HIBADH: variants seen among roughly 807,000 people sequenced by gnomAD.
The protein encoded by HIBADH is 3-hydroxyisobutyrate dehydrogenase, also known as 3-hydroxyisobutyrate dehydrogenase, mitochondrial.
Under a neutral mutation model 36.1 loss-of-function variants are expected in HIBADH, and 25 were observed. The observed-to-expected ratio is 0.69, with a 90% CI of 0.50 to 0.97. The LOEUF (loss-of-function observed/expected upper bound fraction) is 0.97. HIBADH is among the 50% of genes least tolerant of loss of function. The probability of loss-of-function intolerance (pLI) is 0.00; values close to 1 mark genes in which losing one functional copy is unlikely to be tolerated. For synonymous variants in HIBADH, 160 were observed against 149.5 expected (o/e 1.07, Z -0.51); for missense variants, 421 against 418.0 (o/e 1.01, Z -0.06).
chr7:27,662,042 G>A (rs1786433235), intron 1 of HIBADH, among the ~76,000 whole-genome samples: 1 of 152,184 alleles, frequency 6.6e-6, no homozygotes, highest in African/African-American at 2.4e-5. Flanking sequence ...GAGGGAGGCA[G>A]GATTAATTCT....
Position 27,551,360 on chromosome 7 carries a change from C to T in HIBADH, c.485-8260G>A, listed in dbSNP as rs80093380. On this transcript the variant is annotated intron_variant, in intron 4 of 7. Coordinates refer to ENST00000265395, the MANE Select transcript of HIBADH (RefSeq NM_152740.4). ...CAATCTTGGTTTCTTCATCTGAAAA[C>T]AGTGATAAAAACACTGGCCATACTA... 4.6e-5 allele frequency among the ~76,000 whole-genome samples: 7 copies of T among 152,264 alleles called. No homozygotes were observed. The East Asian group carries it at 1.4e-3, about 29-fold the overall frequency.
At chr7:27,529,390 G>A (rs953435977) in intron 7 of HIBADH, among the ~76,000 whole-genome samples, 1 of 152,154 alleles carries the variant, frequency 6.6e-6, no homozygotes, top group East Asian at 1.9e-4. Context: ...ATGCCATTAA[G>A]AATATTTGTG....
chr7:27,582,410 C>T (rs1312774887), intron 4 of HIBADH, among the ~76,000 whole-genome samples: 2 of 152,056 alleles, frequency 1.3e-5, no homozygotes, highest in African/African-American at 4.8e-5. Flanking sequence ...ATACATATTA[C>T]CTTGCTATAA....
intron 4 of HIBADH, among the ~76,000 whole-genome samples, chr7:27,612,033 T>C (rs1436196297): frequency 6.6e-6 from 1 of 152,190 alleles, no homozygotes; most frequent in East Asian, 1.9e-4. Context: ...ACTGAAATTA[T>C]TTTTATGTTA....
intron 4 of HIBADH, among the ~76,000 whole-genome samples, chr7:27,583,492 T>C (rs1487105166): frequency 6.6e-6 from 1 of 152,056 alleles, no homozygotes; most frequent in African/African-American, 2.4e-5. Context: ...AATACCTAGG[T>C]ATTATAGAAT....
intron 7 of HIBADH, among the ~76,000 whole-genome samples, chr7:27,528,049 C>A (rs544778893): frequency 2.6e-5 from 4 of 151,694 alleles, no homozygotes; most frequent in Admixed American, 2.6e-4. Context: ...AGGCATGAGC[C>A]ACTGTGCCCA....
intron 2 of HIBADH, among the ~76,000 whole-genome samples, chr7:27,637,040 T>C (rs1785852402): frequency 6.6e-6 from 1 of 152,208 alleles, no homozygotes; most frequent in South Asian, 2.1e-4. Context: ...GCTGAGACAG[T>C]GGTGTTTGGG....
Position 27,531,350 on chromosome 7 carries a change from T to C in HIBADH, c.696-2A>G. On this transcript the variant is annotated splice_acceptor_variant, in intron 6 of 7. Transcript: ENST00000265395. LOFTEE classifies it high-confidence loss of function. ...AGTAGTTTTGGGTCAAGCCCTAACC[T>C]GTCAAAGGTCAAAGAAAAGAAGTGT... 6.2e-7 allele frequency: 1 copy of C among 1,600,880 alleles called. No homozygotes were observed.
intron 4 of HIBADH, among the ~76,000 whole-genome samples, chr7:27,569,953 C>T (rs1445560714): frequency 1.3e-5 from 2 of 152,118 alleles, no homozygotes; most frequent in Non-Finnish European, 2.9e-5. Flanking sequence ...GCATTTCTTC[C>T]ACTTTCTCTG....
intron 4 of HIBADH, among the ~76,000 whole-genome samples, chr7:27,565,379 G>T (rs943365196): frequency 7.2e-5 from 11 of 152,194 alleles, no homozygotes; most frequent in African/African-American, 2.4e-4. Context: ...GGAACTGTAA[G>T]TAATAAACTA....
At chr7:27,556,624 C>T (rs1784392149) in intron 4 of HIBADH, among the ~76,000 whole-genome samples, 1 of 152,062 alleles carries the variant, frequency 6.6e-6, no homozygotes, top group African/African-American at 2.4e-5. Context: ...GGATCTGCTC[C>T]CCACAATGAA....
intron 2 of HIBADH, among the ~76,000 whole-genome samples, chr7:27,643,112 C>T (rs1301878912): frequency 6.6e-6 from 1 of 152,058 alleles, no homozygotes; most frequent in South Asian, 2.1e-4. Flanking sequence ...CCTATTGGTC[C>T]CTAAAGGCAC....
At chr7:27,612,949 T>A (rs933358771) in intron 4 of HIBADH, among the ~76,000 whole-genome samples, 40 of 136,740 alleles carry the variant, frequency 2.9e-4, no homozygotes, top group South Asian at 2.1e-3. Context: ...TCCAAAAAAA[T>A]ATATATATAT....
intron 2 of HIBADH, among the ~76,000 whole-genome samples, chr7:27,638,328 A>AAAAAAAAAAAC (rs1554300517): frequency 1.8e-5 from 2 of 112,678 alleles, no homozygotes; most frequent in Non-Finnish European, 4.3e-5. Context: ...AAAAAAAAAA[A>AAAAAAAAAAAC]AACAAGCAAT....
intron 4 of HIBADH, among the ~76,000 whole-genome samples, chr7:27,600,198 C>T (rs190590083): frequency 4.6e-5 from 7 of 152,196 alleles, no homozygotes; most frequent in Admixed American, 4.6e-4. Flanking sequence ...TAGAATATAA[C>T]AATCTACCCT....
rs534071927 is a variant in HIBADH at position 27,631,499 on chromosome 7, C to G, written c.362+837G>C. Among the ~76,000 whole-genome samples the G allele has an allele frequency of 2.8e-3, 432 of 152,288 alleles. 1 individual carries two copies. The highest frequency in any genetic ancestry group is 4.7e-3 in the Non-Finnish European group (320 of 68,022). On this transcript the variant is annotated intron_variant, in intron 3 of 7. Transcript: ENST00000265395. ...TACAGTGTCTACCAGTTTGCTCTAG[C>G]TCTTTGCTGAAATTCAACAACAAAA... is the stretch of plus-strand genomic sequence containing the variant.
chr7:27,563,610 T>C (rs182379636), intron 4 of HIBADH, among the ~76,000 whole-genome samples: 2 of 152,370 alleles, frequency 1.3e-5, no homozygotes, highest in Admixed American at 1.3e-4. Context: ...TGATGTGTAC[T>C]GGTATTTCAC....
At chr7:27,621,986 CCCAGCACTTTGGGAGG>C (rs200143898) in intron 4 of HIBADH, among the ~76,000 whole-genome samples, 11,691 of 151,896 alleles carry the variant, frequency 0.077, 692 homozygotes, top group African/African-American at 0.17. Context: ...TGGCTGTAAT[CCCAGCACTTTGGGAGG>C]CCAGCACTTT....
At chr7:27,584,681 G>A (rs1784833417) in intron 4 of HIBADH, among the ~76,000 whole-genome samples, 1 of 151,748 alleles carries the variant, frequency 6.6e-6, no homozygotes, top group Admixed American at 6.6e-5. Flanking sequence ...GATCGTTTGG[G>A]GCATATTTTC....
Sources: gnomAD v4.1 joint callset for allele counts (sites outside exome capture counted in the v4.1 genomes callset) on GRCh38, gnomAD v4.1.1 for gene constraint, MANE v1.5 for transcripts, NCBI Gene and HGNC (gene_info 2026-07-23, HGNC 2026-07-21) for gene names.